CNBD1: variants seen among roughly 807,000 people sequenced by gnomAD.
The protein encoded by CNBD1 is cyclic nucleotide-binding domain-containing protein 1.
In CNBD1, 71 loss-of-function variants were observed where a neutral mutation model predicts 54.4. The observed-to-expected ratio is 1.30, with a 90% CI of 1.08 to 1.59. The LOEUF (loss-of-function observed/expected upper bound fraction) is 1.59. Among genes scored for constraint, CNBD1 ranks in the 40% most tolerant of loss-of-function variants. The probability of loss-of-function intolerance (pLI) is 0.00; values close to 1 mark genes in which losing one functional copy is unlikely to be tolerated. For missense variants in CNBD1, 659 were observed against 518.0 expected, an observed-to-expected ratio of 1.27 and a Z score of -2.64; for synonymous variants, 182 against 170.7, an observed-to-expected ratio of 1.07 and a Z score of -0.51.
chr8:87,410,241 T>C lies in CNBD1; in HGVS notation c.214-18305T>C, dbSNP rs117563703. 2.0e-3 allele frequency among the ~76,000 whole-genome samples: 297 copies of C among 152,264 alleles called. 3 individuals are homozygous for C. In the East Asian group the frequency reaches 0.05, roughly 25 times the overall value. On this transcript the variant is annotated intron_variant, in intron 2 of 7. Coordinates refer to the CNBD1 transcript ENST00000521593. Reference sequence around the variant, plus strand: ...ATGCCTGCTACCACAACATTTATTCTATAGCCCAAGGATTGAAAAGTAATT... The same window carrying C: ...ATGCCTGCTACCACAACATTTATTCCATAGCCCAAGGATTGAAAAGTAATT...
downstream of CNBD1, among the ~76,000 whole-genome samples, chr8:87,384,420 T>C (rs1235264008): frequency 1.3e-5 from 2 of 152,118 alleles, no homozygotes; most frequent in Admixed American, 6.5e-5. Context: ...CATATTATAC[T>C]TCAGGCAGTG....
At chr8:86,957,398 G>T (rs959494230) in intron 4 of CNBD1, among the ~76,000 whole-genome samples, 1 of 152,178 alleles carries the variant, frequency 6.6e-6, no homozygotes, top group Non-Finnish European at 1.5e-5. Flanking sequence ...CATTTCAGAA[G>T]GAATGGTACC....
At chr8:86,943,074 G>A (rs1807374834) in intron 4 of CNBD1, among the ~76,000 whole-genome samples, 2 of 151,402 alleles carry the variant, frequency 1.3e-5, no homozygotes, top group South Asian at 4.2e-4. Flanking sequence ...AACATTTTGA[G>A]TCACAGTAAC....
chr8:87,207,176 G>T (rs1348433373), intron 5 of CNBD1, among the ~76,000 whole-genome samples: 1 of 152,070 alleles, frequency 6.6e-6, no homozygotes, highest in Non-Finnish European at 1.5e-5. Flanking sequence ...ACATTGCTTT[G>T]CTATTAGATT....
chr8:87,107,091 G>A (rs1586260957), intron 4 of CNBD1, among the ~76,000 whole-genome samples: 2 of 152,010 alleles, frequency 1.3e-5, no homozygotes, highest in East Asian at 1.9e-4. Flanking sequence ...GCCTCCCAAA[G>A]TGCCGGGATT....
rs1227681222 is a variant in CNBD1, at chr8:87,414,193, TA to T, written c.214-14347del. On this transcript the variant is annotated intron_variant, in intron 2 of 7. Coordinates refer to the CNBD1 transcript ENST00000521593. ...TACACCATGGAATACTATGCAGCCA[TA>T]AAAAATGAAGAGTTCATGTCCTTTG... Among the ~76,000 whole-genome samples, 7 of 152,012 alleles carry T rather than the reference TA, an allele frequency of 4.6e-5. No homozygotes were observed. In the East Asian group the frequency reaches 1.2e-3, roughly 25 times the overall value.
At chr8:87,409,335 A>G (rs1807702700) in intron 2 of CNBD1, among the ~76,000 whole-genome samples, 1 of 152,148 alleles carries the variant, frequency 6.6e-6, no homozygotes, top group East Asian at 1.9e-4. Context: ...CTAACTGTTC[A>G]ATTCTATAAA....
chr8:86,953,333 G>C (rs1434659917), intron 4 of CNBD1, among the ~76,000 whole-genome samples: 1 of 152,154 alleles, frequency 6.6e-6, no homozygotes, highest in Non-Finnish European at 1.5e-5. Flanking sequence ...GTATCATTAG[G>C]TATAGATAAT....
At chr8:87,426,793 A>G (rs1314394408) in intron 2 of CNBD1, among the ~76,000 whole-genome samples, 1 of 152,130 alleles carries the variant, frequency 6.6e-6, no homozygotes, top group Non-Finnish European at 1.5e-5. Flanking sequence ...CACTTCTTTT[A>G]CCAAAAAATT....
At chr8:87,274,178 C>A (rs1808428023) in intron 6 of CNBD1, among the ~76,000 whole-genome samples, 1 of 151,576 alleles carries the variant, frequency 6.6e-6, no homozygotes, top group Non-Finnish European at 1.5e-5. Context: ...CATTGTTGGA[C>A]ATTTGGGTTG....
chr8:86,872,311 T>C (rs1808453648), intron 1 of CNBD1, among the ~76,000 whole-genome samples: 1 of 152,216 alleles, frequency 6.6e-6, no homozygotes, highest in South Asian at 2.1e-4. Context: ...TAAATTACTT[T>C]AATCTCCACA....
chr8:87,360,981 A>G (rs77563623), intron 10 of CNBD1, among the ~76,000 whole-genome samples: 2,845 of 152,038 alleles, frequency 0.019, 89 homozygotes, highest in African/African-American at 0.062. Context: ...ACACATCAGC[A>G]TTTCACCTTA....
At chr8:87,292,900 T>C (rs1317022960) in intron 8 of CNBD1, among the ~76,000 whole-genome samples, 4 of 152,124 alleles carry the variant, frequency 2.6e-5, no homozygotes, top group Admixed American at 2.6e-4. Flanking sequence ...AGCTCTGTGT[T>C]GTGAGTGGGC....
chr8:87,108,994 C>A (rs1811602186), intron 4 of CNBD1, among the ~76,000 whole-genome samples: 2 of 151,974 alleles, frequency 1.3e-5, no homozygotes, highest in South Asian at 4.2e-4. Context: ...TTCTAATTTG[C>A]CCTTGACTTT....
At chr8:87,101,644 C>T (rs1180674501) in intron 4 of CNBD1, among the ~76,000 whole-genome samples, 3 of 152,010 alleles carry the variant, frequency 2.0e-5, no homozygotes, top group Admixed American at 2.0e-4. Flanking sequence ...CCACATTTAT[C>T]ATATTAACAT....
At chr8:87,310,931 C>T (rs1448466580) in intron 8 of CNBD1, among the ~76,000 whole-genome samples, 1 of 152,022 alleles carries the variant, frequency 6.6e-6, no homozygotes, top group Non-Finnish European at 1.5e-5. Context: ...CTTCTTTTCA[C>T]CATATATAAA....
intron 4 of CNBD1, among the ~76,000 whole-genome samples, chr8:87,015,977 C>CAAAAAAAAAAAAAAAAAAAAAAAAAAAAA (rs58453987): frequency 1.8e-5 from 1 of 55,968 alleles, no homozygotes; most frequent in Non-Finnish European, 3.2e-5. Context: ...GAATCCGTCT[C>CAAAAAAAAAAAAAAAAAAAAAAAAAAAAA]AAAAAAAAAA....
intron 4 of CNBD1, 108 bp from the exon 5 acceptor site, chr8:87,205,885 C>A: frequency 1.1e-6 from 1 of 924,232 alleles, no homozygotes; most frequent in Non-Finnish European, 1.5e-6. Flanking sequence ...TTTAAAAACC[C>A]TTAACTAAAC....
At chr8:87,298,696 G>A (rs1167913836) in intron 8 of CNBD1, among the ~76,000 whole-genome samples, 1 of 151,802 alleles carries the variant, frequency 6.6e-6, no homozygotes, top group African/African-American at 2.4e-5. Flanking sequence ...GTGTTGGCCA[G>A]GCTGGTCTCG....
Sources: gnomAD v4.1 joint callset for allele counts (sites outside exome capture counted in the v4.1 genomes callset) on GRCh38, gnomAD v4.1.1 for gene constraint, MANE v1.5 for transcripts, NCBI Gene and HGNC (gene_info 2026-07-23, HGNC 2026-07-21) for gene names.